The following UNC79 variants were observed in gnomAD, a reference collection of about 807,000 sequenced individuals.
The protein encoded by UNC79 is protein unc-79 homolog.
UNC79 carries 37 observed loss-of-function variants against 283.1 expected under a neutral mutation model. That is an observed-to-expected ratio of 0.13 (90% CI 0.10 to 0.17). UNC79 has a LOEUF of 0.17. Ranked by LOEUF, UNC79 falls within the 10% of genes least tolerant of loss-of-function variation. The pLI is 1.00. For synonymous variants in UNC79, 1,107 were observed against 1,200.2 expected, an observed-to-expected ratio of 0.92 and a Z score of 1.61; for missense variants, 2,272 against 3,211.1, an observed-to-expected ratio of 0.71 and a Z score of 7.07.
intron 2 of UNC79, among the ~76,000 whole-genome samples, chr14:93,469,100 C>G (rs545427500): frequency 6.6e-6 from 1 of 152,138 alleles, no homozygotes; most frequent in African/African-American, 2.4e-5. Flanking sequence ...TTCCATTTGC[C>G]AGGAAACTGT....
chr14:93,523,971 T>C lies in UNC79; in HGVS notation c.899-7T>C. 6.2e-7 allele frequency: 1 copy of C among 1,614,000 alleles called. No homozygotes were observed. The highest frequency in any genetic ancestry group is 8.5e-7 in the Non-Finnish European group (1 of 1,179,840). ...GAAGTATTCATCAGCTGTGCTTTAC[T>C]TTACAGCTTGGAATCCCATCCACTG... On this transcript the variant is annotated splice_region_variant and splice_polypyrimidine_tract_variant and intron_variant, in intron 7 of 48. Transcript: ENST00000555664.
intron 1 of UNC79, among the ~76,000 whole-genome samples, chr14:93,359,546 AGCTAC>A (rs796873050): frequency 1.2e-4 from 19 of 152,334 alleles, no homozygotes; most frequent in African/African-American, 4.6e-4. Context: ...AGGTCAGCAT[AGCTAC>A]CATAATGGAC....
At chr14:93,700,768 G>A (rs924004337) in intron 47 of UNC79, among the ~76,000 whole-genome samples, 5 of 152,136 alleles carry the variant, frequency 3.3e-5, no homozygotes, top group African/African-American at 7.2e-5. Context: ...TGCTGCTGCT[G>A]TATACCACTA....
At chr14:93,692,089 T>C in intron 46 of UNC79, 143 bp downstream of exon 49, 6 of 961,772 alleles carry the variant, frequency 6.2e-6, no homozygotes, top group Non-Finnish European at 9.2e-6. Flanking sequence ...ATAAGCTGGA[T>C]GTTCTGCTTG....
intron 40 of UNC79, among the ~76,000 whole-genome samples, 191 bp downstream of exon 43, chr14:93,662,905 A>C (rs112264183): frequency 3.4e-5 from 5 of 149,078 alleles, no homozygotes; most frequent in African/African-American, 1.0e-4. Context: ...CACACACACA[A>C]ACACACATAC....
chr14:93,375,986 G>C (rs2054550890), intron 1 of UNC79, among the ~76,000 whole-genome samples: 1 of 152,116 alleles, frequency 6.6e-6, no homozygotes, highest in East Asian at 1.9e-4. Context: ...GATTCCCTGT[G>C]CCACCTTGGG....
At position 93,373,940 on chromosome 14, in the gene UNC79, T is replaced by G. The variant is rs555146013; in HGVS notation, c.-351+40417T>G. On this transcript the variant is annotated intron_variant, in intron 1 of 49. Transcript: ENST00000256339. ...AAGTGGGATTTATCCCAGGTATGCC[T>G]TAGTTGCATCCACATGGTGCTAATT... 2.6e-5 allele frequency among the ~76,000 whole-genome samples: 4 copies of G among 152,296 alleles called. No homozygotes were observed. The South Asian group carries it at 8.3e-4, about 32-fold the overall frequency.
chr14:93,479,691 G>C (rs920043879), intron 4 of UNC79, among the ~76,000 whole-genome samples: 7 of 152,108 alleles, frequency 4.6e-5, no homozygotes, highest in African/African-American at 1.7e-4. Context: ...CTGGAGTGCA[G>C]TGGCACAGTC....
At chr14:93,608,390 A>G (rs2066039562) in intron 26 of UNC79, among the ~76,000 whole-genome samples, 1 of 152,230 alleles carries the variant, frequency 6.6e-6, no homozygotes, top group Non-Finnish European at 1.5e-5. Flanking sequence ...TCTCATGGAC[A>G]GGTGGCTTTT....
At chr14:93,546,571 TG>T (rs2061614787) in intron 14 of UNC79, among the ~76,000 whole-genome samples, 1 of 152,218 alleles carries the variant, frequency 6.6e-6, no homozygotes, top group Admixed American at 6.5e-5. Flanking sequence ...ATTTCATGTT[TG>T]TTTACAAAGG....
intron 14 of UNC79, among the ~76,000 whole-genome samples, chr14:93,554,990 C>T (rs1436078633): frequency 6.6e-6 from 1 of 152,164 alleles, no homozygotes; most frequent in Non-Finnish European, 1.5e-5. Context: ...TATATATCCC[C>T]AGGCCTTACC....
intron 4 of UNC79, among the ~76,000 whole-genome samples, chr14:93,479,861 C>T (rs746912788): frequency 8.5e-5 from 13 of 152,052 alleles, no homozygotes; most frequent in African/African-American, 2.4e-4. Context: ...CTGGAATTCC[C>T]AGCCTCAAGT....
intron 1 of UNC79, among the ~76,000 whole-genome samples, chr14:93,398,159 C>G (rs1445915281): frequency 2.6e-5 from 4 of 152,038 alleles, no homozygotes; most frequent in Non-Finnish European, 5.9e-5. Flanking sequence ...TCTGGCTGTT[C>G]TGTTTTACAA....
chr14:93,358,478 C>G (rs911147402), intron 1 of UNC79, among the ~76,000 whole-genome samples: 1 of 152,138 alleles, frequency 6.6e-6, no homozygotes, highest in Non-Finnish European at 1.5e-5. Context: ...TGTAGAAAAA[C>G]AGACACAAGC....
chr14:93,396,480 T>G (rs2055000709), intron 1 of UNC79, among the ~76,000 whole-genome samples: 1 of 152,158 alleles, frequency 6.6e-6, no homozygotes, highest in South Asian at 2.1e-4. Context: ...CTTTCTTATT[T>G]TTTTACTGTT....
In UNC79 at chr14:93,617,402, G is replaced by A; in HGVS notation, c.4224+98G>A. On this transcript the variant is annotated intron_variant, in intron 28 of 48. Coordinates refer to ENST00000555664, the Ensembl canonical transcript of UNC79. This position sits in a 1 kb window ranked among gnomAD's most constrained non-coding sequence, Gnocchi z 4.5. ...TGAGTCTTTAGTTGAAAATTTTGTAGAAGTTTGACCTTCAGAAGGAAGATC... is the reference window on the plus strand; with the variant it reads ...TGAGTCTTTAGTTGAAAATTTTGTAAAAGTTTGACCTTCAGAAGGAAGATC... 7.5e-7 allele frequency: 1 copy of A among 1,328,960 alleles called. No homozygotes were observed. Among genetic ancestry groups the A allele is most frequent in the East Asian group, 2.4e-5 (1 of 41,672 alleles). The allele number at this position is 1,328,960 out of a possible 1,614,324, so 82.3% of individuals were successfully genotyped here. A position where few individuals can be genotyped will look rare whatever the true frequency, so the allele number is the denominator to read the frequency against.
At chr14:93,497,358 C>T in intron 7 of UNC79, 72 bp downstream of exon 7, 2 of 1,492,342 alleles carry the variant, frequency 1.3e-6, no homozygotes, top group Non-Finnish European at 1.8e-6. Flanking sequence ...CCTACTTATA[C>T]ATACATTTTT....
chr14:93,384,554 GT>G (rs1337595971), intron 1 of UNC79, among the ~76,000 whole-genome samples: 2 of 152,118 alleles, frequency 1.3e-5, no homozygotes, highest in African/African-American at 4.8e-5. Flanking sequence ...ATTATTAGAT[GT>G]TTTTCCTATA....
rs760187081 is a variant in UNC79, at chr14:93,440,527, ATT to A, written c.22+9490_22+9491del. ...CTCTAGCTTTTTGAGTTGGCTGTTAATTTTTTTTTTTTTTTAAATTTTTATTG... is the reference window on the plus strand; with the variant it reads ...CTCTAGCTTTTTGAGTTGGCTGTTAATTTTTTTTTTTTTAAATTTTTATTG... On this transcript the variant is annotated intron_variant, in intron 1 of 48. Coordinates refer to ENST00000555664, the Ensembl canonical transcript of UNC79. 3.1e-3 allele frequency among the ~76,000 whole-genome samples: 414 copies of A among 132,508 alleles called. 1 individual carries two copies. The highest frequency in any genetic ancestry group is 0.01 in the African/African-American group (382 of 36,430). The allele number at this position is 132,508 out of a possible 152,430, so 86.9% of individuals were successfully genotyped here.
Sources: gnomAD v4.1 joint callset for allele counts (sites outside exome capture counted in the v4.1 genomes callset) on GRCh38, gnomAD v4.1.1 for gene constraint, Gnocchi (gnomAD v3.1) non-coding constraint, MANE v1.5 for transcripts, NCBI Gene and HGNC (gene_info 2026-07-23, HGNC 2026-07-21) for gene names.